Variants in LRRTM4 observed in about 807,000 individuals in gnomAD.
The protein encoded by LRRTM4 is leucine rich repeat transmembrane neuronal 4, also known as leucine-rich repeat transmembrane neuronal protein 4.
A neutral mutation model predicts 47.6 loss-of-function variants in LRRTM4; 25 were observed. The observed-to-expected ratio is 0.53, with a 90% confidence interval of 0.38 to 0.73. The LOEUF (loss-of-function observed/expected upper bound fraction) is 0.73. LRRTM4 is among the 30% of genes least tolerant of loss of function. LRRTM4 has a pLI of 0.00. For missense variants in LRRTM4, 638 were observed against 713.4 expected, an observed-to-expected ratio of 0.89 and a Z score of 1.20; for synonymous variants, 311 against 269.5, an observed-to-expected ratio of 1.15 and a Z score of -1.51.
At chr2:77,148,277 G>A (rs150628648) in intron 3 of LRRTM4, among the ~76,000 whole-genome samples, 166 of 152,246 alleles carry the variant, frequency 1.1e-3, no homozygotes, top group African/African-American at 3.9e-3. Flanking sequence ...CTTGCAAAAG[G>A]GGAATGATTT....
chr2:77,441,043 TGCC>T (rs1477551247), intron 3 of LRRTM4, among the ~76,000 whole-genome samples: 1 of 152,230 alleles, frequency 6.6e-6, no homozygotes, highest in African/African-American at 2.4e-5. Flanking sequence ...TGAAATAGTC[TGCC>T]AAAAGAACTT....
At chr2:76,984,524 G>T (rs1676727912) in intron 3 of LRRTM4, among the ~76,000 whole-genome samples, 1 of 151,956 alleles carries the variant, frequency 6.6e-6, no homozygotes, top group Non-Finnish European at 1.5e-5. Flanking sequence ...TTAAGGAAAA[G>T]CCTGTTGGAT....
intron 3 of LRRTM4, among the ~76,000 whole-genome samples, chr2:77,018,223 A>G (rs148360582): frequency 1.8e-4 from 21 of 117,708 alleles, no homozygotes; most frequent in African/African-American, 5.9e-4. Flanking sequence ...TCAAAAGTAC[A>G]TTTCACTTAA....
intron 3 of LRRTM4, among the ~76,000 whole-genome samples, chr2:76,768,203 C>A (rs1257763661): frequency 6.6e-6 from 1 of 152,106 alleles, no homozygotes; most frequent in Non-Finnish European, 1.5e-5. Context: ...AAAGTAATAG[C>A]TTCTCTTCTC....
intron 3 of LRRTM4, among the ~76,000 whole-genome samples, chr2:77,514,037 T>C (rs1352120591): frequency 6.6e-6 from 1 of 151,974 alleles, no homozygotes; most frequent in African/African-American, 2.4e-5. Context: ...TTCTATTTTG[T>C]CTTTATATGC....
chr2:77,047,970 A>T (rs971712778), intron 3 of LRRTM4, among the ~76,000 whole-genome samples: 1 of 152,016 alleles, frequency 6.6e-6, no homozygotes, highest in Non-Finnish European at 1.5e-5. Context: ...TTTTCAAATA[A>T]TGCTCATTTG....
At chr2:77,496,178 TG>T (rs1250506077) in intron 3 of LRRTM4, among the ~76,000 whole-genome samples, 1 of 151,974 alleles carries the variant, frequency 6.6e-6, no homozygotes, top group Non-Finnish European at 1.5e-5. Context: ...AGTTGATTTT[TG>T]TGTAATATTC....
chr2:76,774,358 A>C (rs1573078185), intron 3 of LRRTM4, among the ~76,000 whole-genome samples: 1 of 151,624 alleles, frequency 6.6e-6, no homozygotes, highest in South Asian at 2.1e-4. Context: ...CTCCCAGATA[A>C]TTTTTGTATT....
chr2:77,287,308 A>G (rs1342346448), intron 3 of LRRTM4, among the ~76,000 whole-genome samples: 1 of 152,124 alleles, frequency 6.6e-6, no homozygotes, highest in African/African-American at 2.4e-5. Context: ...GAAAAATGAC[A>G]GTCCTAAAAC....
At chr2:76,998,489 A>AC (rs1247376092) in intron 3 of LRRTM4, among the ~76,000 whole-genome samples, 1 of 151,848 alleles carries the variant, frequency 6.6e-6, no homozygotes, top group Admixed American at 6.6e-5. Flanking sequence ...CACACACACC[A>AC]CCCCTCCCCA....
At chr2:77,365,067 TG>T (rs1197554772) in intron 3 of LRRTM4, among the ~76,000 whole-genome samples, 1 of 151,922 alleles carries the variant, frequency 6.6e-6, no homozygotes, top group East Asian at 1.9e-4. Flanking sequence ...TGAACACTAA[TG>T]AGATATAAGA....
intron 3 of LRRTM4, among the ~76,000 whole-genome samples, chr2:77,440,672 T>G (rs1390286373): frequency 6.6e-6 from 1 of 152,214 alleles, no homozygotes; most frequent in East Asian, 1.9e-4. Context: ...GAAATGATTC[T>G]TACAAAGGCA....
chr2:77,093,838 A>C (rs1028085259), intron 3 of LRRTM4, among the ~76,000 whole-genome samples: 5 of 151,882 alleles, frequency 3.3e-5, no homozygotes, highest in East Asian at 1.9e-4. Flanking sequence ...CCTTGCCTTA[A>C]GTGATGACAT....
At chr2:76,835,395 C>T (rs1175689596) in intron 3 of LRRTM4, among the ~76,000 whole-genome samples, 1 of 151,992 alleles carries the variant, frequency 6.6e-6, no homozygotes, top group African/African-American at 2.4e-5. Flanking sequence ...TTTAGTTTAT[C>T]TTAAATTCTA....
intron 3 of LRRTM4, among the ~76,000 whole-genome samples, chr2:77,066,519 TAATG>T (rs1420272944): frequency 6.6e-6 from 1 of 152,210 alleles, no homozygotes; most frequent in Non-Finnish European, 1.5e-5. Flanking sequence ...ACCCGTATAT[TAATG>T]AATGAGATTT....
intron 3 of LRRTM4, among the ~76,000 whole-genome samples, chr2:76,905,618 A>G (rs76351667): frequency 6.8e-6 from 1 of 147,238 alleles, no homozygotes; most frequent in Non-Finnish European, 1.5e-5. Context: ...AGACGAATGT[A>G]TAACTAGAAT....
intron 3 of LRRTM4, among the ~76,000 whole-genome samples, chr2:76,793,227 G>A (rs375107322): frequency 2.0e-5 from 3 of 152,162 alleles, no homozygotes; most frequent in Non-Finnish European, 4.4e-5. Context: ...TCTTGGTGTT[G>A]TCAATATTGT....
At chr2:76,885,032 C>G (rs556365564) in intron 3 of LRRTM4, among the ~76,000 whole-genome samples, 2 of 151,960 alleles carry the variant, frequency 1.3e-5, no homozygotes, top group African/African-American at 4.8e-5. Flanking sequence ...AAGTATAAGC[C>G]TAGATAAAAA....
At chr2:76,815,138 AAAG>A (rs1353629239) in intron 3 of LRRTM4, among the ~76,000 whole-genome samples, 1 of 152,038 alleles carries the variant, frequency 6.6e-6, no homozygotes, top group African/African-American at 2.4e-5. Context: ...ATAAATAAGA[AAAG>A]AAATAAAATT....
Sources: allele counts gnomAD v4.1 joint callset (sites outside exome capture counted in the v4.1 genomes callset), GRCh38; gene constraint gnomAD v4.1.1; transcripts MANE v1.5; gene names NCBI Gene and HGNC (gene_info 2026-07-23, HGNC 2026-07-21).